The following TTC7B variants were observed in gnomAD, a reference collection of about 807,000 sequenced individuals.
TTC7B encodes tetratricopeptide repeat domain 7B, also known as tetratricopeptide repeat protein 7B.
Under a neutral mutation model 106.8 loss-of-function variants are expected in TTC7B, and 28 were observed. The ratio of observed to expected loss-of-function variants is 0.26; its 90% confidence interval spans 0.19 to 0.36. The LOEUF (loss-of-function observed/expected upper bound fraction) is 0.36, where lower values mean the gene tolerates loss of function less well. Among genes scored for constraint, TTC7B ranks in the 10% least tolerant of loss-of-function variants. TTC7B has a pLI of 1.00. For missense variants in TTC7B, 862 were observed against 1,076.4 expected (o/e 0.80, Z 2.79); for synonymous variants, 405 against 430.6 (o/e 0.94, Z 0.74).
At chr14:90,590,622 CA>C (rs1891915642) in intron 18 of TTC7B, among the ~76,000 whole-genome samples, 1 of 152,132 alleles carries the variant, frequency 6.6e-6, no homozygotes, top group Non-Finnish European at 1.5e-5. Context: ...CATGAACTGC[CA>C]AAAAATTGAG....
chr14:90,674,868 G>C (rs997985768), intron 9 of TTC7B, among the ~76,000 whole-genome samples: 2 of 152,202 alleles, frequency 1.3e-5, no homozygotes, highest in Non-Finnish European at 1.5e-5. Flanking sequence ...CTAGGGGAGT[G>C]AAGTTCTGAC....
rs148147056 is a variant in TTC7B, at chr14:90,660,479, C to T, written c.1153-2092G>A. Among the ~76,000 whole-genome samples, 744 of 132,644 alleles carry T rather than the reference C, an allele frequency of 5.6e-3. 10 individuals are homozygous for T. The highest frequency in any genetic ancestry group is 0.02 in the African/African-American group (721 of 35,450). 87.0% of individuals were successfully genotyped at this position (132,644 alleles called of 152,430 possible). ...CAAAAAATAGAAAAGGTTTAAACAA[C>T]AACAAAATCCCCCTCCACCAAAGGG... is the stretch of plus-strand genomic sequence containing the variant. On this transcript the variant is annotated intron_variant, in intron 9 of 19. Coordinates refer to ENST00000328459, the MANE Select transcript of TTC7B (RefSeq NM_001010854.2).
chr14:90,605,777 A>G (rs770376279), intron 17 of TTC7B: 1 of 1,238,020 alleles, frequency 8.1e-7, no homozygotes, highest in South Asian at 1.4e-5. Context: ...GTGAAAGAGA[A>G]AAAAAGGGTG....
chr14:90,696,589 T>C (rs1887758653), intron 5 of TTC7B, among the ~76,000 whole-genome samples: 1 of 152,180 alleles, frequency 6.6e-6, no homozygotes, highest in African/African-American at 2.4e-5. Flanking sequence ...TCAAACTGAA[T>C]GTGGGTTCTG....
chr14:90,558,499 G>A (rs117066163), intron 19 of TTC7B, among the ~76,000 whole-genome samples: 2,632 of 152,352 alleles, frequency 0.017, 45 homozygotes, highest in Non-Finnish European at 0.027. Flanking sequence ...CGGCGAGTCC[G>A]GTCATTTTGG....
chr14:90,721,936 GA>G (rs1888912087), intron 5 of TTC7B, among the ~76,000 whole-genome samples: 1 of 152,228 alleles, frequency 6.6e-6, no homozygotes, highest in Non-Finnish European at 1.5e-5. Flanking sequence ...CATGTATCAA[GA>G]GAAGTGATGG....
chr14:90,662,827 A>G (rs1886262722), intron 9 of TTC7B, among the ~76,000 whole-genome samples: 1 of 152,250 alleles, frequency 6.6e-6, no homozygotes, highest in Non-Finnish European at 1.5e-5. Flanking sequence ...TTATATTAGG[A>G]ATGGAAACAC....
At chr14:90,652,381 G>C (rs1428863504) in intron 13 of TTC7B, among the ~76,000 whole-genome samples, 1 of 151,968 alleles carries the variant, frequency 6.6e-6, no homozygotes, top group Non-Finnish European at 1.5e-5. Flanking sequence ...AACAAGGTGG[G>C]GGCGGGGAGT....
At chr14:90,557,600 T>C (rs1890374831) in intron 19 of TTC7B, among the ~76,000 whole-genome samples, 1 of 152,226 alleles carries the variant, frequency 6.6e-6, no homozygotes, top group Non-Finnish European at 1.5e-5. Flanking sequence ...CCTTGGCAAC[T>C]CAGCCTGCAG....
chr14:90,754,916 C>CT (rs1255206215), intron 3 of TTC7B, among the ~76,000 whole-genome samples: 2 of 151,986 alleles, frequency 1.3e-5, no homozygotes, highest in South Asian at 2.1e-4. Flanking sequence ...GAACTTCATC[C>CT]TTTTTTTTCA....
rs1891388125 is a variant in TTC7B, at chr14:90,579,300, T to G, written c.2108-992A>C. On this transcript the variant is annotated intron_variant, in intron 18 of 19. Transcript: ENST00000328459. ...AGCCTCACGCAGAGGCCGCCCGCTC[T>G]GTCGGGGCTCATGGACCCCTTCTCC... is the stretch of plus-strand genomic sequence containing the variant. Among the ~76,000 whole-genome samples the G allele has an allele frequency of 2.6e-5, 4 of 152,344 alleles. 1 individual carries two copies. In the Middle Eastern group the frequency reaches 0.01, roughly 389 times the overall value.
intron 3 of TTC7B, among the ~76,000 whole-genome samples, chr14:90,753,714 T>G (rs1890203282): frequency 6.6e-6 from 1 of 152,206 alleles, no homozygotes; most frequent in Non-Finnish European, 1.5e-5. Flanking sequence ...GGAGCCACAG[T>G]TGGTCCCTTC....
At chr14:90,785,034 G>T (rs1891339958) in intron 2 of TTC7B, among the ~76,000 whole-genome samples, 1 of 152,180 alleles carries the variant, frequency 6.6e-6, no homozygotes, top group East Asian at 1.9e-4. Context: ...AGGAGGAACA[G>T]CTCAAATTGA....
chr14:90,704,427 C>T (rs1888123632), intron 5 of TTC7B, among the ~76,000 whole-genome samples: 1 of 152,184 alleles, frequency 6.6e-6, no homozygotes, highest in Admixed American at 6.5e-5. Context: ...TCACACAGCC[C>T]ACAGCAGAAG....
rs1007451354 is a variant in TTC7B, at chr14:90,786,293, G to T, written c.157C>A (p.Leu53Met). The change falls in exon 2 of 20, where the codon CTG becomes ATG. Residue 53 changes from leucine (L) to methionine (M), a missense_variant. Transcript: ENST00000328459. The part of the protein sequence containing the change: ...MAELLLGESK[L>M]EQYLKEHPLR... The stretch of plus-strand genomic sequence containing the variant: ...GGGTGTTCCTTCAGGTACTGCTCCA[G>T]CTTCGACTCCCCGAGGAGAAGCTCT... The T allele has an allele frequency of 1.9e-6, 3 of 1,613,408 alleles. No homozygotes were observed. The highest frequency in any genetic ancestry group is 2.5e-6 in the Non-Finnish European group (3 of 1,179,788).
intron 6 of TTC7B, 23 bp downstream of exon 6, chr14:90,695,477 A>G (rs764869933): frequency 4.0e-6 from 6 of 1,504,738 alleles, no homozygotes; most frequent in Admixed American, 4.2e-5. Flanking sequence ...GCTGGCCTCA[A>G]TCAAGTCACT....
chr14:90,683,819 G>A (rs1887148961), intron 7 of TTC7B, among the ~76,000 whole-genome samples: 1 of 152,202 alleles, frequency 6.6e-6, no homozygotes, highest in South Asian at 2.1e-4. Flanking sequence ...GCAAGGAGAT[G>A]ACAGGCAGCC....
chr14:90,579,069 C>T (rs945185607), intron 18 of TTC7B, among the ~76,000 whole-genome samples: 1 of 152,172 alleles, frequency 6.6e-6, no homozygotes, highest in Admixed American at 6.5e-5. Flanking sequence ...TTTCCAAGGG[C>T]GGCCTCCCTG....
intron 2 of TTC7B, among the ~76,000 whole-genome samples, chr14:90,781,652 C>A (rs1261290558): frequency 6.6e-6 from 1 of 152,176 alleles, no homozygotes; most frequent in Non-Finnish European, 1.5e-5. Context: ...ACCCTGTAAC[C>A]CAAATAACCA....
Sources: gnomAD v4.1 joint callset for allele counts (sites outside exome capture counted in the v4.1 genomes callset) on GRCh38, gnomAD v4.1.1 for gene constraint, MANE v1.5 for transcripts, NCBI Gene and HGNC (gene_info 2026-07-23, HGNC 2026-07-21) for gene names.